Variants in MAP4K3 observed in about 807,000 individuals in gnomAD.
The protein encoded by MAP4K3 is mitogen-activated protein kinase kinase kinase kinase 3, also known as MAPK/ERK kinase kinase kinase 3.
In MAP4K3, 94 loss-of-function variants were observed where a neutral mutation model predicts 143.5. The ratio of observed to expected loss-of-function variants is 0.65; its 90% CI spans 0.55 to 0.78. The LOEUF (loss-of-function observed/expected upper bound fraction) is 0.78. Ranked by LOEUF, MAP4K3 falls within the 30% of genes least tolerant of loss-of-function variation. The pLI, the probability that MAP4K3 is intolerant of heterozygous loss-of-function variation, is 0.00. For missense variants in MAP4K3, 1,077 were observed against 1,068.1 expected, an observed-to-expected ratio of 1.01 and a Z score of -0.12; for synonymous variants, 416 against 347.2, an observed-to-expected ratio of 1.20 and a Z score of -2.20.
At position 39,286,824 on chromosome 2, in the gene MAP4K3, A is replaced by C. The variant is rs1178518116; in HGVS notation, c.1587+28T>G. On this transcript the variant is annotated intron_variant, in intron 21 of 33. Coordinates refer to ENST00000263881, the MANE Select transcript of MAP4K3 (RefSeq NM_003618.4). The stretch of plus-strand genomic sequence containing the variant: ...AACAGTTAAAAAGGAAACAAATACA[A>C]GTAGAACTTATGACTATCAATACCT... 2.1e-6 allele frequency: 3 copies of C among 1,446,242 alleles called. No individual in the cohort carries two copies. In the African/African-American group the frequency reaches 4.2e-5, roughly 20 times the overall value. 89.6% of individuals were successfully genotyped at this position (1,446,242 alleles called of 1,614,324 possible).
chr2:39,385,804 G>C (rs1666490069), intron 1 of MAP4K3, among the ~76,000 whole-genome samples: 1 of 151,476 alleles, frequency 6.6e-6, no homozygotes, highest in South Asian at 2.1e-4. Context: ...TAATTTTTTT[G>C]TATTTTTAGT....
chr2:39,324,292 A>G (rs955489525), intron 12 of MAP4K3, among the ~76,000 whole-genome samples: 4 of 152,068 alleles, frequency 2.6e-5, no homozygotes, highest in Non-Finnish European at 5.9e-5. Flanking sequence ...CTGTAATCCC[A>G]GCTACTCAGG....
At chr2:39,404,505 G>A (rs1248491552) in intron 1 of MAP4K3, among the ~76,000 whole-genome samples, 1 of 151,808 alleles carries the variant, frequency 6.6e-6, no homozygotes, top group East Asian at 1.9e-4. Flanking sequence ...CTGTGGAAAG[G>A]GGAGGAAGGA....
rs781698089 is a variant in MAP4K3, at chr2:39,337,553, A to G, written c.339T>C (p.Ile113=). Reference sequence around the variant, plus strand: ...GCAGTGTTTCTCTGCTAACATATGCAATTTGCAGTTCTGACAGAGGTCCAG... The same window carrying G: ...GCAGTGTTTCTCTGCTAACATATGCGATTTGCAGTTCTGACAGAGGTCCAG... The part of the protein sequence containing the change: ...HVTGPLSELQ[I]AYVSRETLQG... The change falls in exon 5 of 34, where the codon ATT becomes ATC. Residue 113 remains isoleucine (I), a synonymous_variant. Coordinates refer to ENST00000263881, the MANE Select transcript of MAP4K3 (RefSeq NM_003618.4). 3.7e-6 allele frequency: 6 copies of G among 1,612,062 alleles called. No individual in the cohort carries two copies. Among genetic ancestry groups the G allele is most frequent in the Non-Finnish European group, 5.1e-6 (6 of 1,178,654 alleles).
At chr2:39,299,656 T>A in intron 16 of MAP4K3, 87 bp downstream of exon 16, 1 of 656,288 alleles carries the variant, frequency 1.5e-6, no homozygotes, top group Non-Finnish European at 2.4e-6. Flanking sequence ...CCTAATACAA[T>A]TTTCTACCTT....
intron 2 of MAP4K3, among the ~76,000 whole-genome samples, chr2:39,365,531 G>A (rs1032093806): frequency 6.5e-5 from 9 of 137,572 alleles, no homozygotes; most frequent in Non-Finnish European, 1.1e-4. Context: ...TGCAAGCTCC[G>A]CTTCCCGGGT....
At chr2:39,371,883 G>C (rs867998675) in intron 2 of MAP4K3, among the ~76,000 whole-genome samples, 3 of 150,070 alleles carry the variant, frequency 2.0e-5, no homozygotes, top group Non-Finnish European at 3.0e-5. Context: ...TTGCTGAATT[G>C]ATCCCTTTAT....
intron 8 of MAP4K3, among the ~76,000 whole-genome samples, chr2:39,327,462 A>C (rs1202180847): frequency 6.6e-6 from 1 of 152,154 alleles, no homozygotes; most frequent in Non-Finnish European, 1.5e-5. Flanking sequence ...GATTTAAACT[A>C]TTAATTATCA....
intron 29 of MAP4K3, among the ~76,000 whole-genome samples, chr2:39,260,176 C>G (rs201469430): frequency 6.6e-6 from 1 of 152,122 alleles, no homozygotes; most frequent in East Asian, 1.9e-4. Flanking sequence ...TACAATGGTG[C>G]GAACATGGCT....
chr2:39,311,699 G>A (rs1325975457), intron 13 of MAP4K3, among the ~76,000 whole-genome samples: 1 of 152,180 alleles, frequency 6.6e-6, no homozygotes. Context: ...AATGAGCTTG[G>A]AAGTAAATCT....
chr2:39,382,499 C>G (rs2148585796), intron 1 of MAP4K3, among the ~76,000 whole-genome samples: 1 of 152,340 alleles, frequency 6.6e-6, no homozygotes, highest in African/African-American at 2.4e-5. Context: ...CCTGACCCCT[C>G]TGCCCACAAT....
intron 21 of MAP4K3, among the ~76,000 whole-genome samples, chr2:39,284,465 A>G (rs1681677963): frequency 6.6e-6 from 1 of 152,116 alleles, no homozygotes; most frequent in African/African-American, 2.4e-5. Flanking sequence ...CCGGCCTAGC[A>G]AAACATCATT....
At chr2:39,288,002 C>CCT (rs1681872320) in intron 20 of MAP4K3, 119 bp downstream of exon 20, 1 of 1,190,580 alleles carries the variant, frequency 8.4e-7, no homozygotes, top group East Asian at 2.3e-5. Flanking sequence ...TCTCCATAGC[C>CCT]ACTGCTTTCC....
intron 28 of MAP4K3, 50 bp downstream of exon 28, chr2:39,265,153 G>T: frequency 8.3e-7 from 1 of 1,209,394 alleles, no homozygotes; most frequent in Non-Finnish European, 1.2e-6. Context: ...GAACAGTAAG[G>T]TTGACAAGCT....
At chr2:39,368,871 T>C (rs2148568581) in intron 2 of MAP4K3, among the ~76,000 whole-genome samples, 1 of 152,296 alleles carries the variant, frequency 6.6e-6, no homozygotes, top group Admixed American at 6.5e-5. Flanking sequence ...AATGAGTTTC[T>C]AAAATCAAAA....
At chr2:39,417,049 T>A (rs1667401532) in intron 1 of MAP4K3, among the ~76,000 whole-genome samples, 1 of 152,202 alleles carries the variant, frequency 6.6e-6, no homozygotes, top group Non-Finnish European at 1.5e-5. Context: ...AAGTGGTGTA[T>A]AATTATTATT....
chr2:39,371,621 T>C (rs969527926), intron 2 of MAP4K3, among the ~76,000 whole-genome samples: 1 of 152,070 alleles, frequency 6.6e-6, no homozygotes, highest in African/African-American at 2.4e-5. Context: ...TAAGGCCCAA[T>C]GATCTGTTGC....
intron 12 of MAP4K3, among the ~76,000 whole-genome samples, chr2:39,318,773 T>C (rs1683202013): frequency 1.3e-5 from 2 of 152,194 alleles, no homozygotes; most frequent in Non-Finnish European, 1.5e-5. Flanking sequence ...ATTCAACTTT[T>C]ATCATCTTAA....
rs1388542467 is a variant in MAP4K3, at chr2:39,272,500, A to C, written c.1837T>G (p.Cys613Gly). The C allele has an allele frequency of 6.2e-7, 1 of 1,613,360 alleles. No individual in the cohort carries two copies. The highest frequency in any genetic ancestry group is 8.5e-7 in the Non-Finnish European group (1 of 1,179,556). Residue 613 changes from cysteine to glycine, a missense_variant, in exon 25 of 34, where the codon TGC becomes GGC. Transcript: ENST00000263881. Reference protein sequence around the residue: ...RCTWLYVMNNCLLSISGKASQ... With the variant: ...RCTWLYVMNNGLLSISGKASQ... ...TACTTACCAGATATTGATAGCAAGC[A>C]ATTGTTCATTACATACAACCATGTA...
Sources: allele counts gnomAD v4.1 joint callset (sites outside exome capture counted in the v4.1 genomes callset), GRCh38; gene constraint gnomAD v4.1.1; transcripts MANE v1.5; gene names NCBI Gene and HGNC (gene_info 2026-07-23, HGNC 2026-07-21).